Variants in INSYN2B observed in about 807,000 individuals in gnomAD.
The protein encoded by INSYN2B is inhibitory synaptic factor family member 2B.
Under a neutral mutation model 41.2 loss-of-function variants are expected in INSYN2B, and 16 were observed. That is an observed-to-expected ratio of 0.39 (90% CI 0.26 to 0.59). The LOEUF is 0.59. Among genes scored for constraint, INSYN2B ranks in the 20% least tolerant of loss-of-function variants. The pLI is 0.57. For synonymous variants in INSYN2B, 245 were observed against 244.4 expected, an observed-to-expected ratio of 1.00 and a Z score of -0.02; for missense variants, 608 against 646.4, an observed-to-expected ratio of 0.94 and a Z score of 0.64.
chr5:169,979,271 G>A (rs769250527), intron 1 of INSYN2B, among the ~76,000 whole-genome samples: 1 of 152,118 alleles, frequency 6.6e-6, no homozygotes, highest in African/African-American at 2.4e-5. Context: ...TAAGTTGCTA[G>A]GGCAAATGCA....
At chr5:169,968,704 A>G (rs1003588716) in intron 1 of INSYN2B, among the ~76,000 whole-genome samples, 1 of 152,138 alleles carries the variant, frequency 6.6e-6, no homozygotes, top group African/African-American at 2.4e-5. Context: ...GACTCCCGCT[A>G]GTTATTAGGA....
intron 1 of INSYN2B, among the ~76,000 whole-genome samples, chr5:169,929,926 A>T (rs1468243025): frequency 6.6e-6 from 1 of 152,158 alleles, no homozygotes; most frequent in Non-Finnish European, 1.5e-5. Flanking sequence ...TGCATATTAA[A>T]CATATTAAAC....
chr5:169,909,224 T>C (rs1774459164), intron 1 of INSYN2B, among the ~76,000 whole-genome samples: 2 of 152,236 alleles, frequency 1.3e-5, no homozygotes, highest in Admixed American at 6.5e-5. Flanking sequence ...GCTATCTAAA[T>C]TTAAATTAAT....
chr5:169,875,505 T>C (rs1300743970), intron 3 of INSYN2B: 4 of 322,658 alleles, frequency 1.2e-5, no homozygotes, highest in Admixed American at 8.3e-5. Context: ...TGCTGTGGAA[T>C]CTGGCTTGTT....
At chr5:169,944,471 G>A (rs1191476451) in intron 1 of INSYN2B, among the ~76,000 whole-genome samples, 2 of 152,226 alleles carry the variant, frequency 1.3e-5, no homozygotes, top group Non-Finnish European at 2.9e-5. Context: ...GGAGGCAGGA[G>A]ATTTGGAAAG....
chr5:169,882,242 G>C (rs1481378952), intron 2 of INSYN2B, among the ~76,000 whole-genome samples: 1 of 152,150 alleles, frequency 6.6e-6, no homozygotes, highest in Non-Finnish European at 1.5e-5. Context: ...CCCCCATCAT[G>C]TATCAATAGA....
intron 1 of INSYN2B, among the ~76,000 whole-genome samples, chr5:169,969,032 C>T (rs78748738): frequency 0.025 from 3,862 of 152,198 alleles, 162 homozygotes; most frequent in African/African-American, 0.087. Context: ...TGCCTATGGT[C>T]GCAGCTTCTC....
At chr5:169,935,922 C>G (rs962204286) in intron 1 of INSYN2B, among the ~76,000 whole-genome samples, 4 of 152,194 alleles carry the variant, frequency 2.6e-5, no homozygotes, top group African/African-American at 9.7e-5. Flanking sequence ...GCTACATCCT[C>G]AAATGGTTAC....
intron 1 of INSYN2B, among the ~76,000 whole-genome samples, chr5:169,921,082 A>G (rs891127557): frequency 1.3e-5 from 2 of 152,202 alleles, no homozygotes; most frequent in African/African-American, 4.8e-5. Context: ...AAGAGTCTCA[A>G]TCCCAGTGTT....
rs369967490 is a variant in INSYN2B, at chr5:169,958,162, C to T, written c.-919+22115G>A. The stretch of plus-strand genomic sequence containing the variant: ...ACACAGTCTTTGTCAACTTGATTAT[C>T]TACCCTGTGGTGAGAAATGAGGGCC... On this transcript the variant is annotated intron_variant, in intron 1 of 3. Transcript: ENST00000377365. Among the ~76,000 whole-genome samples, 245 of 152,256 alleles carry T rather than the reference C, an allele frequency of 1.6e-3. 4 individuals carry two copies. In the South Asian group the frequency reaches 0.044, roughly 27 times the overall value.
At chr5:169,979,711 C>T (rs1484003745) in intron 1 of INSYN2B, among the ~76,000 whole-genome samples, 1 of 152,186 alleles carries the variant, frequency 6.6e-6, no homozygotes, top group East Asian at 1.9e-4. Flanking sequence ...ACTTCAGTCA[C>T]ATTGCACTAC....
rs1049545303 is a variant in INSYN2B, at chr5:169,884,632, A to G, written c.-734T>C. On this transcript the variant is annotated 5_prime_UTR_variant, in exon 2 of 4. Transcript: ENST00000377365. The stretch of plus-strand genomic sequence containing the variant: ...CAAAACCCAGTGGGGTATGACCAGG[A>G]CAGGATTGAGGAATCACAGGGGATT... 6.6e-6 allele frequency: 1 copy of G among 152,256 alleles called. No homozygotes were observed. Among genetic ancestry groups the G allele is most frequent in the African/African-American group, 2.4e-5 (1 of 41,426 alleles). 9.4% of individuals were successfully genotyped at this position (152,256 alleles called of 1,614,324 possible).
chr5:169,896,622 C>G (rs1474976520), intron 1 of INSYN2B, among the ~76,000 whole-genome samples: 1 of 152,148 alleles, frequency 6.6e-6, no homozygotes, highest in East Asian at 1.9e-4. Flanking sequence ...ACTTTGGCTC[C>G]TATTATGATT....
At position 169,882,745 on chromosome 5, in the gene INSYN2B, C is replaced by T. The variant is rs1772730346; in HGVS notation, c.1154G>A (p.Arg385Lys). 17 of 1,551,700 alleles carry T rather than the reference C, an allele frequency of 1.1e-5. No individual in the cohort carries two copies. Among genetic ancestry groups the T allele is most frequent in the Non-Finnish European group, 1.4e-5 (16 of 1,146,988 alleles). Residue 385 changes from arginine to lysine, a missense_variant, in exon 2 of 4, where the codon AGG becomes AAG. Physicochemically the swap from Arg to Lys is conservative, Grantham distance 26. Coordinates refer to ENST00000377365, the MANE Select transcript of INSYN2B (RefSeq NM_001129891.3). ...GSNHLPSSLSRSETKLQSNRE... is the reference protein window; with the variant it reads ...GSNHLPSSLSKSETKLQSNRE... ...GTTGCTCTGAAGTTTGGTCTCACTC[C>T]TTGAAAGAGAGGATGGGAGATGATT...
chr5:169,882,168 C>T (rs530714478), intron 2 of INSYN2B, among the ~76,000 whole-genome samples: 2 of 152,280 alleles, frequency 1.3e-5, no homozygotes, highest in African/African-American at 4.8e-5. Flanking sequence ...AACAGAAATA[C>T]TGTACAAATG....
chr5:169,960,166 C>T (rs564671005), intron 1 of INSYN2B, among the ~76,000 whole-genome samples: 1 of 152,136 alleles, frequency 6.6e-6, no homozygotes, highest in Non-Finnish European at 1.5e-5. Flanking sequence ...TTTATAAGTA[C>T]CCATGATAAA....
At chr5:169,938,910 C>T (rs1211365934) in intron 1 of INSYN2B, among the ~76,000 whole-genome samples, 6 of 141,246 alleles carry the variant, frequency 4.2e-5, no homozygotes, top group Middle Eastern at 3.7e-3. Flanking sequence ...TTTTTCTTTT[C>T]TTTTTTTTTT....
At chr5:169,974,358 A>G (rs1202094734) in intron 1 of INSYN2B, among the ~76,000 whole-genome samples, 2 of 152,238 alleles carry the variant, frequency 1.3e-5, no homozygotes, top group Non-Finnish European at 2.9e-5. Flanking sequence ...CATCTGACTA[A>G]TACTAACTTC....
intron 1 of INSYN2B, among the ~76,000 whole-genome samples, chr5:169,969,539 T>C (rs909573047): frequency 2.0e-5 from 3 of 152,100 alleles, no homozygotes; most frequent in African/African-American, 7.2e-5. Flanking sequence ...TGAAGAGAAG[T>C]TGAGAGCAGG....
Sources: gnomAD v4.1 joint callset for allele counts (sites outside exome capture counted in the v4.1 genomes callset) on GRCh38, gnomAD v4.1.1 for gene constraint, MANE v1.5 for transcripts, NCBI Gene and HGNC (gene_info 2026-07-23, HGNC 2026-07-21) for gene names.